The following SPTBN1 variants were observed in gnomAD, a reference collection of about 807,000 sequenced individuals.
SPTBN1 encodes spectrin beta, non-erythrocytic 1, also known as spectrin beta chain, non-erythrocytic 1.
A neutral mutation model predicts 266.4 loss-of-function variants in SPTBN1; 32 were observed. The ratio of observed to expected loss-of-function variants is 0.12; its 90% CI spans 0.09 to 0.16. The LOEUF is 0.16. Ranked by LOEUF, SPTBN1 falls within the 10% of genes least tolerant of loss-of-function variation. The pLI, the probability that SPTBN1 is intolerant of heterozygous loss-of-function variation, is 1.00. For missense variants in SPTBN1, 2,296 were observed against 3,067.1 expected, an observed-to-expected ratio of 0.75 and a Z score of 5.94; for synonymous variants, 1,336 against 1,162.2, an observed-to-expected ratio of 1.15 and a Z score of -3.04.
At chr2:54,565,774 A>T (rs769477862) in intron 2 of SPTBN1, among the ~76,000 whole-genome samples, 2 of 152,248 alleles carry the variant, frequency 1.3e-5, no homozygotes, top group Non-Finnish European at 2.9e-5. Flanking sequence ...GATCTATATG[A>T]AGTTTCCCTG....
At chr2:54,640,898 T>C (rs1177543731) in intron 18 of SPTBN1, among the ~76,000 whole-genome samples, 1 of 152,242 alleles carries the variant, frequency 6.6e-6, no homozygotes, top group Admixed American at 6.5e-5. Flanking sequence ...ATGAATGATT[T>C]TAAAGGTATT....
At chr2:54,484,675 T>C (rs1266533949) in intron 1 of SPTBN1, among the ~76,000 whole-genome samples, 2 of 152,162 alleles carry the variant, frequency 1.3e-5, no homozygotes, top group Non-Finnish European at 2.9e-5. Context: ...TTTTATAGGA[T>C]AGAATTTCAA....
Position 54,571,564 on chromosome 2 carries a change from C to T in SPTBN1, c.149-27528C>T, listed in dbSNP as rs946889750. On this transcript the variant is annotated intron_variant, in intron 2 of 35. Transcript: ENST00000356805. ...TTGTATGTACACACACACACACACA[C>T]ACACACACACATACACACACACACA... Among the ~76,000 whole-genome samples, 298 of 84,990 alleles carry T rather than the reference C, an allele frequency of 3.5e-3. 2 individuals are homozygous for T. The highest frequency in any genetic ancestry group is 0.02 in the African/African-American group (287 of 14,502). 55.8% of individuals were successfully genotyped at this position (84,990 alleles called of 152,430 possible).
At position 54,628,284 on chromosome 2, in the gene SPTBN1, G is replaced by A. The variant is rs748767214; in HGVS notation, c.1798+34G>A. 1 of 1,581,558 alleles carries A rather than the reference G, an allele frequency of 6.3e-7. No homozygotes were observed. Among genetic ancestry groups the A allele is most frequent in the African/African-American group, 1.4e-5 (1 of 73,660 alleles). ...GGCCCATTCCAAGCATTACCTCCGG[G>A]TCACCAGAGATTCATATTTATAGAA... On this transcript the variant is annotated intron_variant, in intron 13 of 35. Coordinates refer to ENST00000356805, the MANE Select transcript of SPTBN1 (RefSeq NM_003128.3). This position sits in a 1 kb window ranked among gnomAD's most constrained non-coding sequence, Gnocchi z 4.3.
At position 54,558,761 on chromosome 2, in the gene SPTBN1, G is replaced by T; in HGVS notation, c.148+32195G>T. On this transcript the variant is annotated intron_variant, in intron 2 of 35. Transcript: ENST00000356805. The surrounding 1 kb of genome is among the most constrained non-coding windows in gnomAD (Gnocchi z 4.6). ...AGATTTCCAGGGCGCAGTCCTCCGG[G>T]GCGTTACGCCGGGCATAATGGAATT... 6.2e-7 allele frequency: 1 copy of T among 1,609,810 alleles called. No individual in the cohort carries two copies.
At chr2:54,525,640 C>T (rs1670760075) in intron 1 of SPTBN1, among the ~76,000 whole-genome samples, 2 of 152,214 alleles carry the variant, frequency 1.3e-5, no homozygotes, top group Non-Finnish European at 2.9e-5. Flanking sequence ...CCAGGAGAAG[C>T]TTAAAGATTA....
At chr2:54,665,253 A>G (rs1164758735) in intron 33 of SPTBN1, among the ~76,000 whole-genome samples, 1 of 152,236 alleles carries the variant, frequency 6.6e-6, no homozygotes, top group Non-Finnish European at 1.5e-5. Context: ...ACCATATCTT[A>G]CTGTGCAGTT....
intron 2 of SPTBN1, among the ~76,000 whole-genome samples, chr2:54,531,762 A>G (rs1444018348): frequency 6.6e-6 from 1 of 152,046 alleles, no homozygotes; most frequent in Non-Finnish European, 1.5e-5. Context: ...TCTGATTCAT[A>G]TCTGCGTCAC....
At chr2:54,617,733 G>T (rs1677702831) in intron 6 of SPTBN1, 45 bp downstream of exon 6, 1 of 1,595,020 alleles carries the variant, frequency 6.3e-7, no homozygotes, top group East Asian at 2.2e-5. Flanking sequence ...GTAAAAGGTT[G>T]CTGTCCTTCC....
chr2:54,469,131 C>G (rs1693786195), intron 1 of SPTBN1, among the ~76,000 whole-genome samples: 1 of 152,174 alleles, frequency 6.6e-6, no homozygotes, highest in African/African-American at 2.4e-5. Flanking sequence ...TTTAGGACAT[C>G]AGATGGATGG....
chr2:54,539,331 T>G (rs1346611391), intron 2 of SPTBN1, among the ~76,000 whole-genome samples: 1 of 152,206 alleles, frequency 6.6e-6, no homozygotes, highest in Non-Finnish European at 1.5e-5. Flanking sequence ...TGATACCTAT[T>G]AAAGATTTCT....
At position 54,628,043 on chromosome 2, in the gene SPTBN1, G is replaced by A; in HGVS notation, c.1645-54G>A. ...TCTGCTTGTCGAAAGATGATGTGAT[G>A]CTGAAGTCAAGGCTATAGTCACAGA... is the stretch of plus-strand genomic sequence containing the variant. On this transcript the variant is annotated intron_variant, in intron 12 of 35. Transcript: ENST00000356805. The surrounding 1 kb of genome is among the most constrained non-coding windows in gnomAD (Gnocchi z 4.3). 2 of 1,546,672 alleles carry A rather than the reference G, an allele frequency of 1.3e-6. No homozygotes were observed. Among genetic ancestry groups the A allele is most frequent in the Non-Finnish European group, 1.7e-6 (2 of 1,144,122 alleles).
chr2:54,462,714 A>G (rs957070246), intron 1 of SPTBN1, among the ~76,000 whole-genome samples: 8 of 152,258 alleles, frequency 5.3e-5, no homozygotes, highest in Non-Finnish European at 1.2e-4. Context: ...TACCTTTAAC[A>G]GGCTGGATGT....
chr2:54,519,345 A>T (rs540591713), intron 1 of SPTBN1, among the ~76,000 whole-genome samples: 1 of 152,328 alleles, frequency 6.6e-6, no homozygotes, highest in South Asian at 2.1e-4. Flanking sequence ...TTTTAATGAT[A>T]GGTCAGCGGT....
At chr2:54,616,337 C>G in intron 5 of SPTBN1, 39 bp downstream of exon 5, 2 of 1,574,756 alleles carry the variant, frequency 1.3e-6, no homozygotes, top group Non-Finnish European at 1.7e-6. Context: ...CTGCTTCTTC[C>G]AGGACTGAAT....
At chr2:54,513,338 C>T (rs1669952778) in intron 1 of SPTBN1, among the ~76,000 whole-genome samples, 1 of 152,086 alleles carries the variant, frequency 6.6e-6, no homozygotes, top group African/African-American at 2.4e-5. Flanking sequence ...CATTTCATTC[C>T]CTTCCAGGTA....
rs1432491414 is a variant in SPTBN1 at position 54,533,080 on chromosome 2, G to A, written c.148+6514G>A. ...AGGGCCATTATTAAGTCAAATAAGG[G>A]TTACCTGACAGTTAATCTGATAATC... On this transcript the variant is annotated intron_variant, in intron 2 of 35. Transcript: ENST00000356805. This position sits in a 1 kb window ranked among gnomAD's most constrained non-coding sequence, Gnocchi z 4.2. 3.3e-5 allele frequency among the ~76,000 whole-genome samples: 5 copies of A among 152,012 alleles called. No individual in the cohort carries two copies. The highest frequency in any genetic ancestry group is 4.1e-4 in the South Asian group (2 of 4,826).
intron 2 of SPTBN1, among the ~76,000 whole-genome samples, chr2:54,588,123 A>G (rs1675411167): frequency 6.6e-6 from 1 of 152,148 alleles, no homozygotes; most frequent in Non-Finnish European, 1.5e-5. Flanking sequence ...TCTATAAAGG[A>G]CCAGATAATA....
rs528578466 is a variant in SPTBN1 at position 54,536,170 on chromosome 2, C to T, written c.148+9604C>T. Reference sequence around the variant, plus strand: ...TTCACTTACACAGTTAACCCCTTTGCCAGTTTTCTACCAAAGTGGACCTGT... The same window carrying T: ...TTCACTTACACAGTTAACCCCTTTGTCAGTTTTCTACCAAAGTGGACCTGT... On this transcript the variant is annotated intron_variant, in intron 2 of 35. Transcript: ENST00000356805. 2.1e-3 allele frequency among the ~76,000 whole-genome samples: 315 copies of T among 152,260 alleles called. 1 individual carries two copies. Among genetic ancestry groups the T allele is most frequent in the Non-Finnish European group, 3.6e-3 (242 of 68,026 alleles).
Sources: allele counts gnomAD v4.1 joint callset (sites outside exome capture counted in the v4.1 genomes callset), GRCh38; gene constraint gnomAD v4.1.1; non-coding constraint Gnocchi (gnomAD v3.1); transcripts MANE v1.5; gene names NCBI Gene and HGNC (gene_info 2026-07-23, HGNC 2026-07-21).